Variants in TMEM40 observed in about 807,000 individuals in gnomAD.
The protein encoded by TMEM40 is transmembrane protein 40.
In TMEM40, 34 loss-of-function variants were observed where a neutral mutation model predicts 40.8. That is an observed-to-expected ratio of 0.83 (90% confidence interval 0.63 to 1.11). The LOEUF (loss-of-function observed/expected upper bound fraction) is 1.11, where lower values mean the gene tolerates loss of function less well. TMEM40 is among the 50% of genes least tolerant of loss of function. TMEM40 has a pLI of 0.00. For synonymous variants in TMEM40, 106 were observed against 107.0 expected, an observed-to-expected ratio of 0.99 and a Z score of 0.06; for missense variants, 296 against 280.2, an observed-to-expected ratio of 1.06 and a Z score of -0.40.
In TMEM40 at chr3:12,734,487, C is replaced by G; in HGVS notation, c.*287G>C. ...CCTTGCTGTCCTCTGAGAGCAGTGA[C>G]CTCCCAGAATCTTCCTGCTGGTCCA... is the stretch of plus-strand genomic sequence containing the variant. On this transcript the variant is annotated 3_prime_UTR_variant, in exon 12 of 12. Coordinates refer to ENST00000314124, the MANE Select transcript of TMEM40 (RefSeq NM_018306.4). 1 of 451,150 alleles carries G rather than the reference C, an allele frequency of 2.2e-6. No homozygotes were observed. The highest frequency in any genetic ancestry group is 4.0e-6 in the Non-Finnish European group (1 of 247,318). The allele number at this position is 451,150 out of a possible 1,614,324, so 27.9% of individuals were successfully genotyped here.
At position 12,734,635 on chromosome 3, in the gene TMEM40, T is replaced by G; in HGVS notation, c.*139A>C. The G allele has an allele frequency of 6.9e-6, 7 of 1,013,794 alleles. No individual in the cohort carries two copies. Among genetic ancestry groups the G allele is most frequent in the Non-Finnish European group, 1.0e-5 (7 of 686,024 alleles). The allele number at this position is 1,013,794 out of a possible 1,614,324, so 62.8% of individuals were successfully genotyped here. A position where few individuals can be genotyped will look rare whatever the true frequency, so the allele number is the denominator to read the frequency against. On this transcript the variant is annotated 3_prime_UTR_variant, in exon 12 of 12. Coordinates refer to ENST00000314124, the MANE Select transcript of TMEM40 (RefSeq NM_018306.4). The stretch of plus-strand genomic sequence containing the variant: ...GGCTGGTGCCAACATTCAGACCACA[T>G]GGAAGGAAAAGTGTTCTGTTTATTG...
chr3:12,764,996 C>T (rs1372771722), intron 1 of TMEM40, among the ~76,000 whole-genome samples: 2 of 151,864 alleles, frequency 1.3e-5, no homozygotes, highest in East Asian at 1.9e-4. Flanking sequence ...CTCAGCCTCC[C>T]GAGTAGCTGG....
intron 11 of TMEM40, 130 bp from the exon 12 acceptor site, chr3:12,734,923 CAATG>C: frequency 1.0e-6 from 1 of 966,534 alleles, no homozygotes; most frequent in East Asian, 2.6e-5. Context: ...CCATGGGTCT[CAATG>C]AACCACAGTC....
chr3:12,768,342 C>T (rs2061604119), intron 1 of TMEM40, among the ~76,000 whole-genome samples: 1 of 151,692 alleles, frequency 6.6e-6, no homozygotes, highest in African/African-American at 2.4e-5. Context: ...AGCGGGTTAC[C>T]ACTGCTGGCT....
chr3:12,769,236 C>A (rs1257129337), intron 1 of TMEM40: 1 of 410,726 alleles, frequency 2.4e-6, no homozygotes, highest in African/African-American at 2.1e-5. Flanking sequence ...CCCGCCCGTG[C>A]CTTTCTCTCC....
upstream of TMEM40, among the ~76,000 whole-genome samples, chr3:12,762,749 C>A (rs2061578052): frequency 6.6e-6 from 1 of 152,174 alleles, no homozygotes; most frequent in Non-Finnish European, 1.5e-5. Flanking sequence ...CCCTGGAAAC[C>A]TTTTAGAAAT....
chr3:12,757,991 T>C (rs1443026402), intron 1 of TMEM40, among the ~76,000 whole-genome samples: 4 of 151,604 alleles, frequency 2.6e-5, no homozygotes, highest in African/African-American at 9.7e-5. Context: ...AGGTGAGCCA[T>C]GGCGCCTGGC....
intron 8 of TMEM40, chr3:12,737,438 A>T (rs2061345844): frequency 7.3e-6 from 4 of 549,442 alleles, no homozygotes; most frequent in Non-Finnish European, 1.3e-5. Flanking sequence ...GCATAGCAGA[A>T]AGAGCAGAGG....
At chr3:12,767,011 C>G (rs935637479) in intron 1 of TMEM40, among the ~76,000 whole-genome samples, 1 of 152,220 alleles carries the variant, frequency 6.6e-6, no homozygotes, top group South Asian at 2.1e-4. Context: ...AGAGAGATGT[C>G]TGCGCCTGGG....
chr3:12,754,009 A>G (rs1456246610), intron 1 of TMEM40, among the ~76,000 whole-genome samples: 1 of 152,208 alleles, frequency 6.6e-6, no homozygotes, highest in African/African-American at 2.4e-5. Flanking sequence ...CGTATTTTAC[A>G]GAAGAGGAAA....
intron 7 of TMEM40, 168 bp from the exon 8 acceptor site, chr3:12,737,922 A>G: frequency 3.3e-6 from 3 of 904,144 alleles, no homozygotes; most frequent in Non-Finnish European, 5.3e-6. Flanking sequence ...TGTCCTTGGA[A>G]CCCCCACTGA....
intron 1 of TMEM40, among the ~76,000 whole-genome samples, chr3:12,750,560 G>A (rs927043922): frequency 6.6e-6 from 1 of 152,090 alleles, no homozygotes; most frequent in Non-Finnish European, 1.5e-5. Flanking sequence ...CAGCTCTGAG[G>A]CTGAGACCTT....
chr3:12,765,566 CTTTTTTTTTTT>C (rs530745103), intron 1 of TMEM40, among the ~76,000 whole-genome samples: 3 of 125,712 alleles, frequency 2.4e-5, no homozygotes, highest in Admixed American at 7.9e-5. Context: ...TGTTTGATTA[CTTTTTTTTTTT>C]TTTTTTTTGA....
At chr3:12,757,348 A>G (rs2061536937) in intron 1 of TMEM40, among the ~76,000 whole-genome samples, 1 of 152,048 alleles carries the variant, frequency 6.6e-6, no homozygotes, top group Admixed American at 6.6e-5. Flanking sequence ...AGGTGCCTGT[A>G]ATCCCAGCTA....
At chr3:12,735,084 C>T (rs974862349) in intron 11 of TMEM40, among the ~76,000 whole-genome samples, 1 of 152,186 alleles carries the variant, frequency 6.6e-6, no homozygotes, top group Non-Finnish European at 1.5e-5. Context: ...GTGCTTTCGC[C>T]CAGCCCAGCC....
intron 5 of TMEM40, among the ~76,000 whole-genome samples, chr3:12,740,466 C>A (rs1436102092): frequency 6.6e-6 from 1 of 151,000 alleles, no homozygotes; most frequent in Non-Finnish European, 1.5e-5. Flanking sequence ...CTTTGGGAGG[C>A]CGAGGCGGGT....
rs556782241 is a variant in TMEM40 at position 12,756,849 on chromosome 3, CAT to C, written c.-9+2340_-9+2341del. ...TCTGTCTCTCACAACACACACCACA[CAT>C]ATACACACTCTCTCTCTCACACACA... On this transcript the variant is annotated intron_variant, in intron 1 of 11. Coordinates refer to ENST00000314124, the MANE Select transcript of TMEM40 (RefSeq NM_018306.4). 1.6e-4 allele frequency among the ~76,000 whole-genome samples: 25 copies of C among 151,986 alleles called. 2 individuals carry two copies. The South Asian group carries it at 5.2e-3, about 32-fold the overall frequency.
chr3:12,733,943 C>T lies in TMEM40; in HGVS notation c.*831G>A, dbSNP rs938255041. 4.7e-5 allele frequency: 7 copies of T among 149,504 alleles called. No individual in the cohort carries two copies. The highest frequency in any genetic ancestry group is 2.1e-4 in the South Asian group (1 of 4,732). 9.3% of individuals were successfully genotyped at this position (149,504 alleles called of 1,614,324 possible). On this transcript the variant is annotated 3_prime_UTR_variant, in exon 12 of 12. Coordinates refer to ENST00000314124, the MANE Select transcript of TMEM40 (RefSeq NM_018306.4). ...TTTTAGAGAAACGATCTTGCTCTGT[C>T]GCCCAGGCTGGAGTGCAGTGGCTTG...
In TMEM40 at chr3:12,740,324, A is replaced by G. The variant is rs2061371728; in HGVS notation, c.356-1736T>C. Among the ~76,000 whole-genome samples the G allele has an allele frequency of 2.0e-5, 3 of 150,942 alleles. No homozygotes were observed. The South Asian group carries it at 6.3e-4, about 31-fold the overall frequency. On this transcript the variant is annotated intron_variant, in intron 5 of 11. Transcript: ENST00000314124. Reference sequence around the variant, plus strand: ...AGGCTGGTCTTGAACTCCCAACCTCAAGTGATCCACCTGCCTCAGCCTCCC... The same window carrying G: ...AGGCTGGTCTTGAACTCCCAACCTCGAGTGATCCACCTGCCTCAGCCTCCC...
Sources: allele counts gnomAD v4.1 joint callset (sites outside exome capture counted in the v4.1 genomes callset), GRCh38; gene constraint gnomAD v4.1.1; transcripts MANE v1.5; gene names NCBI Gene and HGNC (gene_info 2026-07-23, HGNC 2026-07-21).